Variants in SSBP2 observed in about 807,000 individuals in gnomAD.
SSBP2 encodes single-stranded DNA-binding protein 2.
SSBP2 carries 17 observed loss-of-function variants against 61.8 expected under a neutral mutation model. The ratio of observed to expected loss-of-function variants is 0.28; its 90% CI spans 0.19 to 0.41. The LOEUF (loss-of-function observed/expected upper bound fraction) is 0.41. SSBP2 is among the 10% of genes least tolerant of loss of function. SSBP2 has a pLI of 1.00. For synonymous variants in SSBP2, 139 were observed against 141.3 expected (o/e 0.98, Z 0.12); for missense variants, 310 against 458.7 (o/e 0.68, Z 2.96).
At chr5:81,585,868 A>AT (rs1374322280) in intron 4 of SSBP2, among the ~76,000 whole-genome samples, 1 of 152,104 alleles carries the variant, frequency 6.6e-6, no homozygotes, top group African/African-American at 2.4e-5. Context: ...CTATGAGTTC[A>AT]TTTTTTTAGA....
At chr5:81,602,068 G>A (rs540417637) in intron 4 of SSBP2, among the ~76,000 whole-genome samples, 4 of 152,260 alleles carry the variant, frequency 2.6e-5, no homozygotes, top group Admixed American at 2.6e-4. Flanking sequence ...CCTACTCAGT[G>A]AAAGTACCTC....
intron 4 of SSBP2, among the ~76,000 whole-genome samples, chr5:81,545,520 T>C (rs904522160): frequency 2.0e-5 from 3 of 152,230 alleles, no homozygotes; most frequent in Admixed American, 1.3e-4. Flanking sequence ...ACATAGTTGA[T>C]TTGTGGTCAA....
intron 2 of SSBP2, 47 bp from the exon 3 acceptor site, chr5:81,636,665 C>T (rs753431561): frequency 5.1e-6 from 7 of 1,378,924 alleles, no homozygotes; most frequent in Middle Eastern, 1.9e-4. Flanking sequence ...TACTTTTTTC[C>T]ACACATATTA....
At chr5:81,578,027 G>A (rs1774363125) in intron 4 of SSBP2, among the ~76,000 whole-genome samples, 1 of 151,970 alleles carries the variant, frequency 6.6e-6, no homozygotes, top group Admixed American at 6.6e-5. Context: ...GAGGAATTAA[G>A]TGACTTGCCC....
At chr5:81,502,289 C>G (rs1767856797) in intron 5 of SSBP2, among the ~76,000 whole-genome samples, 1 of 152,160 alleles carries the variant, frequency 6.6e-6, no homozygotes, top group Admixed American at 6.5e-5. Flanking sequence ...TTCTCCTCCT[C>G]AAAGCATTTT....
At chr5:81,747,308 CTG>C (rs1364808003) in intron 1 of SSBP2, among the ~76,000 whole-genome samples, 2 of 152,082 alleles carry the variant, frequency 1.3e-5, no homozygotes, top group Admixed American at 1.3e-4. Flanking sequence ...TTAGAGAAAT[CTG>C]TGTTAGAAAC....
chr5:81,651,878 G>C (rs2153714088), intron 1 of SSBP2, among the ~76,000 whole-genome samples: 1 of 152,238 alleles, frequency 6.6e-6, no homozygotes, highest in South Asian at 2.1e-4. Flanking sequence ...ATGGCAAATT[G>C]TATCTTGGAA....
intron 8 of SSBP2, among the ~76,000 whole-genome samples, chr5:81,471,846 T>C (rs1218950435): frequency 6.6e-6 from 1 of 151,938 alleles, no homozygotes; most frequent in Non-Finnish European, 1.5e-5. Context: ...TCCTATAATA[T>C]GGCATCTCCA....
chr5:81,433,592 T>TAAAAA (rs532034844), intron 15 of SSBP2, among the ~76,000 whole-genome samples: 1 of 104,002 alleles, frequency 9.6e-6, no homozygotes, highest in Non-Finnish European at 2.2e-5. Flanking sequence ...GAATGATCAA[T>TAAAAA]AAAAAAAAAA....
At chr5:81,627,287 T>A (rs902940254) in intron 3 of SSBP2, among the ~76,000 whole-genome samples, 14 of 152,166 alleles carry the variant, frequency 9.2e-5, no homozygotes, top group Non-Finnish European at 1.9e-4. Context: ...CTATGGCCTA[T>A]GTTTTTTGCC....
intron 5 of SSBP2, among the ~76,000 whole-genome samples, chr5:81,500,676 G>A (rs1181686513): frequency 6.6e-6 from 1 of 151,900 alleles, no homozygotes; most frequent in Admixed American, 6.6e-5. Context: ...GGCCAGGATG[G>A]TCTTGATCTC....
rs762524934 is a variant in SSBP2, at chr5:81,751,067, T to A, written c.-25A>T. 6.3e-7 allele frequency: 1 copy of A among 1,575,908 alleles called. No homozygotes were observed. The highest frequency in any genetic ancestry group is 1.4e-5 in the African/African-American group (1 of 73,988). ...TGCTTGTGCCGAGAGCAGCTCCCAC[T>A]GTCACGCACCTGTCAACCCATCACA... On this transcript the variant is annotated 5_prime_UTR_variant, in exon 1 of 17. Coordinates refer to ENST00000320672, the MANE Select transcript of SSBP2 (RefSeq NM_012446.5).
intron 4 of SSBP2, among the ~76,000 whole-genome samples, chr5:81,599,880 A>G (rs1241075429): frequency 6.6e-6 from 1 of 152,216 alleles, no homozygotes; most frequent in Admixed American, 6.5e-5. Flanking sequence ...TCTGCAGGCT[A>G]AATTTAATAT....
chr5:81,452,836 A>G (rs1422967743), intron 10 of SSBP2, among the ~76,000 whole-genome samples: 2 of 152,176 alleles, frequency 1.3e-5, no homozygotes, highest in Non-Finnish European at 2.9e-5. Flanking sequence ...ATCAGAGACC[A>G]GGACTAAGGA....
intron 4 of SSBP2, among the ~76,000 whole-genome samples, chr5:81,518,832 T>C (rs892499777): frequency 1.3e-5 from 2 of 152,170 alleles, no homozygotes; most frequent in Non-Finnish European, 2.9e-5. Context: ...TAAGAAAATA[T>C]GCTTTTTGCC....
chr5:81,731,167 T>C (rs1391307815), intron 1 of SSBP2, among the ~76,000 whole-genome samples: 6 of 152,212 alleles, frequency 3.9e-5, no homozygotes, highest in Non-Finnish European at 8.8e-5. Context: ...GTCCACAAAA[T>C]AGAGTACAAT....
At chr5:81,735,185 T>C (rs930040164) in intron 1 of SSBP2, among the ~76,000 whole-genome samples, 1 of 152,178 alleles carries the variant, frequency 6.6e-6, no homozygotes, top group African/African-American at 2.4e-5. Context: ...ACCTAATTTA[T>C]TGTATCTTTG....
At chr5:81,498,268 G>T (rs372559578) in intron 5 of SSBP2, among the ~76,000 whole-genome samples, 1 of 151,990 alleles carries the variant, frequency 6.6e-6, no homozygotes, top group African/African-American at 2.4e-5. Flanking sequence ...CAACGTTTAG[G>T]TAAAAACACA....
At chr5:81,592,935 TCTC>T (rs1308845592) in intron 4 of SSBP2, among the ~76,000 whole-genome samples, 1 of 151,924 alleles carries the variant, frequency 6.6e-6, no homozygotes, top group Non-Finnish European at 1.5e-5. Flanking sequence ...TCAGAGCGCC[TCTC>T]CTCCTCCAAA....
Sources: allele counts gnomAD v4.1 joint callset (sites outside exome capture counted in the v4.1 genomes callset), GRCh38; gene constraint gnomAD v4.1.1; transcripts MANE v1.5; gene names NCBI Gene and HGNC (gene_info 2026-07-23, HGNC 2026-07-21).